The following LNX1 variants were observed in gnomAD, a reference collection of about 807,000 sequenced individuals.
LNX1 encodes the protein ligand of numb-protein X 1.
A neutral mutation model predicts 68.4 loss-of-function variants in LNX1; 54 were observed. That is an observed-to-expected ratio of 0.79 (90% CI 0.63 to 0.99). The LOEUF is 0.99. Among genes scored for constraint, LNX1 ranks in the 50% least tolerant of loss-of-function variants. The pLI is 0.00. For missense variants in LNX1, 906 were observed against 926.4 expected, an observed-to-expected ratio of 0.98 and a Z score of 0.29; for synonymous variants, 336 against 350.0, an observed-to-expected ratio of 0.96 and a Z score of 0.45.
upstream of LNX1, among the ~76,000 whole-genome samples, chr4:53,617,958 C>T (rs1313263141): frequency 6.6e-6 from 1 of 152,040 alleles, no homozygotes; most frequent in Admixed American, 6.6e-5. Context: ...TATATATTAA[C>T]AATTATTTTC....
intron 5 of LNX1, among the ~76,000 whole-genome samples, chr4:53,497,248 C>T (rs1457376173): frequency 6.6e-6 from 1 of 152,194 alleles, no homozygotes. Flanking sequence ...CCAGCCAGAG[C>T]CCCCTATGTT....
At chr4:53,530,778 T>A (rs1445978630) in intron 2 of LNX1, among the ~76,000 whole-genome samples, 1 of 152,224 alleles carries the variant, frequency 6.6e-6, no homozygotes, top group Non-Finnish European at 1.5e-5. Flanking sequence ...AAAACTATAA[T>A]TTTTGTTTAA....
At chr4:53,583,794 G>T (rs993151977) in intron 1 of LNX1, among the ~76,000 whole-genome samples, 2 of 152,152 alleles carry the variant, frequency 1.3e-5, no homozygotes, top group African/African-American at 2.4e-5. Flanking sequence ...AGAGAAGAGT[G>T]TTCCTTCTCT....
At chr4:53,574,162 A>C in intron 1 of LNX1, 74 bp from the exon 2 acceptor site, 1 of 1,134,646 alleles carries the variant, frequency 8.8e-7, no homozygotes, top group Non-Finnish European at 1.2e-6. Flanking sequence ...GACATGAGAC[A>C]GGGCTGCCAA....
At chr4:53,485,732 G>C (rs777517324) in intron 6 of LNX1, among the ~76,000 whole-genome samples, 1 of 152,190 alleles carries the variant, frequency 6.6e-6, no homozygotes, top group Non-Finnish European at 1.5e-5. Flanking sequence ...ATTCAATGCA[G>C]AGAAACATCC....
At position 53,625,913 on chromosome 4, in the gene LNX1, CAT is replaced by C. The variant is rs1483341794; in HGVS notation, c.-215+26253_-215+26254del. On this transcript the variant is annotated intron_variant, in intron 1 of 2. Transcript: ENST00000507168. ...AGAAAACTGAAAATACATGTCTACA[CAT>C]GTGTACACAAGATGTGTACACAAAC... 4.6e-5 allele frequency among the ~76,000 whole-genome samples: 7 copies of C among 150,670 alleles called. No homozygotes were observed. In the East Asian group the frequency reaches 5.9e-4, roughly 13 times the overall value.
chr4:53,461,552 G>C lies in LNX1; in HGVS notation c.1934C>G (p.Thr645Arg). 6.2e-7 allele frequency: 1 copy of C among 1,612,038 alleles called. No homozygotes were observed. The highest frequency in any genetic ancestry group is 8.5e-7 in the Non-Finnish European group (1 of 1,178,612). ...AATGCAGAAGCCCAGACTTCCAGCTGTGTTTCTTCGTAATACAATATCTTT... is the reference window on the plus strand; with the variant it reads ...AATGCAGAAGCCCAGACTTCCAGCTCTGTTTCTTCGTAATACAATATCTTT... ...NCKDIVLRRN[T>R]AGSLGFCIVG... The change falls in exon 10 of 11, where the codon ACA becomes AGA. Residue 645 changes from threonine (T) to arginine (R), a missense_variant. Transcript: ENST00000263925.
chr4:53,623,945 C>G (rs980939284), intron 1 of LNX1, among the ~76,000 whole-genome samples: 1 of 152,132 alleles, frequency 6.6e-6, no homozygotes, highest in African/African-American at 2.4e-5. Flanking sequence ...TACAAACTTG[C>G]ATCAAAAGAT....
At chr4:53,542,659 C>T (rs757136739) in intron 2 of LNX1, among the ~76,000 whole-genome samples, 5 of 152,064 alleles carry the variant, frequency 3.3e-5, no homozygotes, top group African/African-American at 4.8e-5. Context: ...AAATCCATGA[C>T]AAAGACATGA....
At chr4:53,476,433 G>A (rs894068407) in intron 9 of LNX1, among the ~76,000 whole-genome samples, 5 of 152,286 alleles carry the variant, frequency 3.3e-5, no homozygotes, top group Non-Finnish European at 2.9e-5. Flanking sequence ...AACACAGGCT[G>A]GGTCTCTGCC....
intron 1 of LNX1, among the ~76,000 whole-genome samples, chr4:53,585,733 C>T (rs1488238727): frequency 6.6e-6 from 1 of 152,124 alleles, no homozygotes. Context: ...CTGAAAGAGA[C>T]CAGAGAAGAC....
intron 2 of LNX1, among the ~76,000 whole-genome samples, chr4:53,566,548 C>G (rs1223793781): frequency 1.3e-5 from 2 of 149,982 alleles, no homozygotes; most frequent in Non-Finnish European, 3.0e-5. Context: ...AAAATCATGC[C>G]AAAATGTAAA....
intron 2 of LNX1, among the ~76,000 whole-genome samples, chr4:53,516,381 G>A (rs1726787869): frequency 6.6e-6 from 1 of 152,170 alleles, no homozygotes; most frequent in South Asian, 2.1e-4. Context: ...AAACGACAAT[G>A]TATGCACTTG....
intron 2 of LNX1, among the ~76,000 whole-genome samples, chr4:53,520,063 G>A (rs569303324): frequency 4.6e-5 from 7 of 152,162 alleles, no homozygotes; most frequent in African/African-American, 7.2e-5. Flanking sequence ...CTGTCCCCAC[G>A]TTTAGTAGAA....
chr4:53,614,246 A>G (rs1387953328), intron 2 of LNX1, among the ~76,000 whole-genome samples: 1 of 152,132 alleles, frequency 6.6e-6, no homozygotes, highest in Non-Finnish European at 1.5e-5. Flanking sequence ...GTCCCTACAT[A>G]TTCTCCAGGA....
intron 1 of LNX1, among the ~76,000 whole-genome samples, chr4:53,585,541 G>T (rs1732112796): frequency 6.6e-6 from 1 of 152,156 alleles, no homozygotes; most frequent in Non-Finnish European, 1.5e-5. Context: ...TGAGGTTTAG[G>T]ATCTTGAGAT....
intron 6 of LNX1, among the ~76,000 whole-genome samples, chr4:53,484,373 G>A (rs1253136882): frequency 6.6e-6 from 1 of 151,944 alleles, no homozygotes; most frequent in Non-Finnish European, 1.5e-5. Flanking sequence ...GACCAGCCTG[G>A]CCAACATGGT....
chr4:53,498,910 C>T, intron 4 of LNX1, 67 bp from the exon 5 acceptor site: 1 of 1,209,200 alleles, frequency 8.3e-7, no homozygotes, highest in Non-Finnish European at 1.2e-6. Context: ...ACTCTTCTTG[C>T]CAAACTTCAG....
chr4:53,514,865 G>A (rs1402081208), intron 2 of LNX1, among the ~76,000 whole-genome samples: 1 of 152,172 alleles, frequency 6.6e-6, no homozygotes, highest in Non-Finnish European at 1.5e-5. Flanking sequence ...TATGTTTAAT[G>A]AGTTTTGGGT....
Sources: gnomAD v4.1 joint callset for allele counts (sites outside exome capture counted in the v4.1 genomes callset) on GRCh38, gnomAD v4.1.1 for gene constraint, MANE v1.5 for transcripts, NCBI Gene and HGNC (gene_info 2026-07-23, HGNC 2026-07-21) for gene names.